DMD: variants seen among roughly 807,000 people sequenced by gnomAD.
DMD encodes the protein dystrophin.
A neutral mutation model predicts 330.1 loss-of-function variants in DMD; 63 were observed. The ratio of observed to expected loss-of-function variants is 0.19; its 90% confidence interval spans 0.16 to 0.24. The LOEUF is 0.24. DMD is among the 10% of genes least tolerant of loss of function. The pLI is 1.00. For synonymous variants in DMD, 1,223 were observed against 959.8 expected (o/e 1.27, Z -5.07); for missense variants, 3,344 against 2,684.1 (o/e 1.25, Z -5.43).
At chrX:31,207,365 G>A (rs186072674) in intron 65 of DMD, among the ~76,000 whole-genome samples, 200 of 91,430 alleles carry the variant, frequency 2.2e-3, no homozygotes, top group African/African-American at 6.9e-3. Flanking sequence ...ATAGAAAACT[G>A]AAATAAAGCA....
At chrX:32,042,078 T>TAC (rs72220274) in intron 44 of DMD, among the ~76,000 whole-genome samples, 5 of 82,484 alleles carry the variant, frequency 6.1e-5, no homozygotes, top group East Asian at 3.9e-4. Context: ...TACACATATA[T>TAC]ACACACACAC....
chrX:31,185,125 TA>T (rs774318648), intron 67 of DMD, among the ~76,000 whole-genome samples: 159 of 110,352 alleles, frequency 1.4e-3, no homozygotes, highest in African/African-American at 4.2e-3. Context: ...AAAAATAAAA[TA>T]AAAAAAATAA....
intron 55 of DMD, among the ~76,000 whole-genome samples, chrX:31,622,393 CCTT>C (rs1385747935): frequency 9.0e-6 from 1 of 110,660 alleles, no homozygotes; most frequent in Non-Finnish European, 1.9e-5. Context: ...GTGATGGACT[CCTT>C]ATTTCTATTC....
At position 32,079,329 on chromosome X, in the gene DMD, C is replaced by G. The variant is rs1014601842; in HGVS notation, c.6439-110815G>C. On this transcript the variant is annotated intron_variant, in intron 44 of 78. Transcript: ENST00000357033. ...ATGTCCTTGCTTGGGCCTGGTGGGT[C>G]ACGCCTGTAAATCCCAGCACTTTGG... Among the ~76,000 whole-genome samples, 5 of 111,753 alleles carry G rather than the reference C, an allele frequency of 4.5e-5. No homozygotes were observed. In the South Asian group the frequency reaches 1.9e-3, roughly 42 times the overall value.
chrX:31,491,840 C>G (rs1336108142), intron 57 of DMD, among the ~76,000 whole-genome samples: 1 of 111,735 alleles, frequency 8.9e-6, no homozygotes, highest in African/African-American at 3.3e-5. Context: ...TATTTTGCTA[C>G]AAAATATTAT....
At chrX:31,512,070 T>G (rs2071665024) in intron 55 of DMD, among the ~76,000 whole-genome samples, 1 of 110,193 alleles carries the variant, frequency 9.1e-6, no homozygotes, top group African/African-American at 3.3e-5. Flanking sequence ...TGATTTGCAT[T>G]TCTCTGATGG....
At chrX:31,206,942 CA>C (rs2044132506) in intron 65 of DMD, among the ~76,000 whole-genome samples, 1 of 86,964 alleles carries the variant, frequency 1.1e-5, no homozygotes, top group Non-Finnish European at 2.3e-5. Context: ...ATTTGAACTG[CA>C]AAAGTTCTAC....
At chrX:31,195,836 G>A (rs893383500) in intron 67 of DMD, among the ~76,000 whole-genome samples, 1 of 109,404 alleles carries the variant, frequency 9.1e-6, no homozygotes, top group African/African-American at 3.3e-5. Context: ...AGGGAGGGCA[G>A]GAAGGAAGGA....
intron 41 of DMD, among the ~76,000 whole-genome samples, chrX:32,336,996 C>T (rs1386584465): frequency 9.0e-6 from 1 of 111,149 alleles, no homozygotes; most frequent in Non-Finnish European, 1.9e-5. Context: ...CTGATATGAT[C>T]TCATTAACTC....
At chrX:31,253,866 C>T (rs1365351277) in intron 63 of DMD, among the ~76,000 whole-genome samples, 1 of 111,891 alleles carries the variant, frequency 8.9e-6, no homozygotes. Context: ...TTTTTAAAGA[C>T]CACTTTTCCT....
intron 59 of DMD, among the ~76,000 whole-genome samples, chrX:31,464,969 G>A (rs756474028): frequency 1.8e-5 from 2 of 112,358 alleles, no homozygotes; most frequent in Non-Finnish European, 3.8e-5. Context: ...CATGGTAAAC[G>A]AAGGTTCTGT....
intron 44 of DMD, among the ~76,000 whole-genome samples, chrX:32,106,000 A>C (rs2096562360): frequency 8.9e-6 from 1 of 111,835 alleles, no homozygotes; most frequent in African/African-American, 3.2e-5. Flanking sequence ...CAAATTTCAG[A>C]TGTGATTAAG....
intron 74 of DMD, among the ~76,000 whole-genome samples, chrX:31,167,952 A>C (rs958385919): frequency 8.9e-6 from 1 of 112,327 alleles, no homozygotes; most frequent in Non-Finnish European, 1.9e-5. Context: ...ACTGTCAAGG[A>C]ATTTTCTGAG....
intron 4 of DMD, among the ~76,000 whole-genome samples, chrX:32,840,991 G>A (rs2080112010): frequency 8.9e-6 from 1 of 111,741 alleles, no homozygotes; most frequent in Non-Finnish European, 1.9e-5. Context: ...TTAATTAGTT[G>A]CCTGAATTAT....
chrX:32,908,542 T>C (rs2086918235), intron 2 of DMD, among the ~76,000 whole-genome samples: 1 of 112,076 alleles, frequency 8.9e-6, no homozygotes, highest in Non-Finnish European at 1.9e-5. Flanking sequence ...TATCGTCATA[T>C]TGGTGAATTT....
intron 7 of DMD, among the ~76,000 whole-genome samples, chrX:32,702,912 G>A (rs1201249193): frequency 1.8e-5 from 2 of 111,341 alleles, no homozygotes; most frequent in Non-Finnish European, 3.8e-5. Flanking sequence ...GGAGGAAGAG[G>A]ACGAAAGAGG....
intron 52 of DMD, among the ~76,000 whole-genome samples, chrX:31,683,258 T>A (rs1361940819): frequency 8.9e-6 from 1 of 112,325 alleles, no homozygotes; most frequent in Non-Finnish European, 1.9e-5. Context: ...GTCTCTATTT[T>A]ATTTACCATC....
chrX:31,851,984 G>A (rs888203016), intron 48 of DMD, among the ~76,000 whole-genome samples: 7 of 110,588 alleles, frequency 6.3e-5, no homozygotes, highest in African/African-American at 2.3e-4. Flanking sequence ...TGGGGCAGGA[G>A]TGTATGTGTA....
At chrX:33,303,311 G>A (rs1437861909) in intron 1 of DMD, among the ~76,000 whole-genome samples, 1 of 111,207 alleles carries the variant, frequency 9.0e-6, no homozygotes, top group African/African-American at 3.3e-5. Flanking sequence ...TATATAACAA[G>A]CCAAAATAAG....
Sources: gnomAD v4.1 joint callset for allele counts (sites outside exome capture counted in the v4.1 genomes callset) on GRCh38, gnomAD v4.1.1 for gene constraint, MANE v1.5 for transcripts, NCBI Gene and HGNC (gene_info 2026-07-23, HGNC 2026-07-21) for gene names.